The following ITGAE variants were observed in gnomAD, a reference collection of about 807,000 sequenced individuals.
ITGAE encodes the protein integrin alpha-E.
A neutral mutation model predicts 136.5 loss-of-function variants in ITGAE; 99 were observed. The ratio of observed to expected loss-of-function variants is 0.73; its 90% CI spans 0.62 to 0.86. The LOEUF (loss-of-function observed/expected upper bound fraction) is 0.86, where lower values mean the gene tolerates loss of function less well. Ranked by LOEUF, ITGAE falls within the 40% of genes least tolerant of loss-of-function variation. ITGAE has a pLI of 0.00. For missense variants in ITGAE, 1,447 were observed against 1,515.3 expected (o/e 0.95, Z 0.75); for synonymous variants, 613 against 591.8 (o/e 1.04, Z -0.52).
At chr17:3,749,382 C>T (rs1381650567) in intron 16 of ITGAE, among the ~76,000 whole-genome samples, 2 of 151,902 alleles carry the variant, frequency 1.3e-5, no homozygotes, top group African/African-American at 2.4e-5. Flanking sequence ...CCTCCCGAGT[C>T]GCTGGGACTA....
At chr17:3,788,388 C>T (rs2143438605) in intron 1 of ITGAE, among the ~76,000 whole-genome samples, 1 of 150,948 alleles carries the variant, frequency 6.6e-6, no homozygotes, top group East Asian at 1.9e-4. Flanking sequence ...TTCCTGGGCT[C>T]AAGTGGTTTT....
rs756646435 is a variant in ITGAE at position 3,761,044 on chromosome 17, C to T, written c.567G>A (p.Glu189=). 6.9e-6 allele frequency: 11 copies of T among 1,605,278 alleles called. No homozygotes were observed. Among genetic ancestry groups the T allele is most frequent in the Admixed American group, 6.7e-5 (4 of 59,902 alleles). The change falls in exon 6 of 31, where the codon GAG becomes GAA. Residue 189 remains glutamate (E), a synonymous_variant. Transcript: ENST00000263087. Reference sequence around the variant, plus strand: ...CCTCCTCCTCCTCGTCTTCCTCCTCCTCCTTGTCTTCCTCCTCCTCCTTCT... The same window carrying T: ...CCTCCTCCTCCTCGTCTTCCTCCTCTTCCTTGTCTTCCTCCTCCTCCTTCT... ...ALEKEEEEDK[E]EEEDEEEEEA...
chr17:3,761,954 G>A lies in ITGAE; in HGVS notation c.276C>T (p.His92=), dbSNP rs766367794. 3.1e-6 allele frequency: 5 copies of A among 1,613,988 alleles called. No homozygotes were observed. Among genetic ancestry groups the A allele is most frequent in the Non-Finnish European group, 4.2e-6 (5 of 1,179,992 alleles). Residue 92 remains histidine, a synonymous_variant, in exon 4 of 31, where the codon CAC becomes CAT. Coordinates refer to ENST00000263087, the MANE Select transcript of ITGAE (RefSeq NM_002208.5). ...GGCTCCGGACAACGGTCACTCCCCG[G>A]TGCCTCCCCTTGGGGATGGGGACAT... ...VEHVPIPKGR[H]RGVTVVRSHH... is the part of the protein sequence containing the mutation.
chr17:3,755,615 C>T (rs2052000797), intron 11 of ITGAE, among the ~76,000 whole-genome samples: 1 of 152,152 alleles, frequency 6.6e-6, no homozygotes, highest in Non-Finnish European at 1.5e-5. Context: ...TGCAGTGAGC[C>T]GAGACTGCAC....
intron 1 of ITGAE, among the ~76,000 whole-genome samples, chr17:3,791,963 T>C (rs1301544151): frequency 6.6e-6 from 1 of 152,190 alleles, no homozygotes; most frequent in Non-Finnish European, 1.5e-5. Flanking sequence ...TGTACATGCT[T>C]AAAATTTTAT....
At chr17:3,734,789 C>A in intron 21 of ITGAE, 28 bp downstream of exon 21, 1 of 1,613,356 alleles carries the variant, frequency 6.2e-7, no homozygotes, top group Non-Finnish European at 8.5e-7. Flanking sequence ...CGTGAGGGAC[C>A]TGTTTCCACA....
chr17:3,760,961 C>T, intron 6 of ITGAE, 52 bp downstream of exon 6: 1 of 1,558,938 alleles, frequency 6.4e-7, no homozygotes, highest in Admixed American at 1.8e-5. Context: ...GGCCACCAGC[C>T]TAGGAATTGG....
chr17:3,751,680 G>C lies in ITGAE; in HGVS notation c.1863C>G (p.His621Gln), dbSNP rs75308621. The change falls in exon 15 of 31, where the codon CAC (histidine) becomes CAG (glutamine). Residue 621 changes from histidine (H) to glutamine (Q), a missense_variant. Physicochemically the swap from His to Gln is conservative, Grantham distance 24 (BLOSUM62 0). Transcript: ENST00000263087. ...AGGGGCTGGCGGAGAGGCCGTCCCA[G>C]TGTCCATTGTAGATATACACACTGC... is the stretch of plus-strand genomic sequence containing the variant. ...SFGSVYIYNG[H>Q]WDGLSASPSQ... 421 of 1,613,956 alleles carry C rather than the reference G, an allele frequency of 2.6e-4. 3 individuals are homozygous for C. The East Asian group carries it at 7.8e-3, about 30-fold the overall frequency.
intron 1 of ITGAE, among the ~76,000 whole-genome samples, chr17:3,788,174 G>A (rs1597369753): frequency 6.9e-6 from 1 of 145,848 alleles, no homozygotes; most frequent in Admixed American, 6.8e-5. Context: ...TTCTTATTCT[G>A]TGGTTTGCCT....
chr17:3,796,670 CCA>C (rs2053112869), intron 1 of ITGAE, among the ~76,000 whole-genome samples: 1 of 152,008 alleles, frequency 6.6e-6, no homozygotes, highest in East Asian at 1.9e-4. Flanking sequence ...ACCCACAGGA[CCA>C]CCTCTCTGAG....
At chr17:3,740,330 A>G in intron 19 of ITGAE, among the ~76,000 whole-genome samples, 1 of 152,234 alleles carries the variant, frequency 6.6e-6, no homozygotes, top group East Asian at 1.9e-4. Flanking sequence ...GTCAAGGTCC[A>G]GGCCTTGGAG....
At position 3,731,181 on chromosome 17, in the gene ITGAE, A is replaced by G. The variant is rs200951789; in HGVS notation, c.2757T>C (p.Ala919=). 1.5e-4 allele frequency: 248 copies of G among 1,613,228 alleles called. No homozygotes were observed. In the East Asian group the frequency reaches 5.2e-3, roughly 34 times the overall value. ...CTAGCTGCCAAACGACTGAAACATG[A>G]GCCTATTTTAAAGGGGGAAAAATGG... is the stretch of plus-strand genomic sequence containing the variant. ...IGHPVLKRSS[A]HVSVVWQLEE... The change falls in exon 23 of 31, where the codon GCT becomes GCC. Residue 919 remains alanine, a splice_region_variant and synonymous_variant. Transcript: ENST00000263087.
chr17:3,753,580 C>T (rs187128648), intron 13 of ITGAE, 150 bp from the exon 14 acceptor site: 5 of 1,138,318 alleles, frequency 4.4e-6, no homozygotes. Flanking sequence ...AGTGGAGGAG[C>T]AGCCCAGGCC....
At position 3,756,920 on chromosome 17, in the gene ITGAE, A is replaced by G. The variant is rs1215693158; in HGVS notation, c.1171+64T>C. On this transcript the variant is annotated intron_variant, in intron 10 of 30. Transcript: ENST00000263087. Reference sequence around the variant, plus strand: ...CTCAGAGAAACCACATGAAGATGGGACAGAGGCCGGGCTGGAGCATAGGCT... The same window carrying G: ...CTCAGAGAAACCACATGAAGATGGGGCAGAGGCCGGGCTGGAGCATAGGCT... The G allele has an allele frequency of 6.5e-6, 10 of 1,539,300 alleles. 1 individual carries two copies. In the African/African-American group the frequency reaches 6.9e-5, roughly 11 times the overall value.
intron 20 of ITGAE, among the ~76,000 whole-genome samples, chr17:3,738,478 T>C (rs1023512253): frequency 1.3e-5 from 2 of 152,110 alleles, no homozygotes; most frequent in Non-Finnish European, 2.9e-5. Flanking sequence ...CTGGGGGGCA[T>C]TCTAAGACCA....
intron 20 of ITGAE, among the ~76,000 whole-genome samples, chr17:3,737,294 A>AAAGAAG (rs369478989): frequency 7.4e-5 from 11 of 148,062 alleles, no homozygotes; most frequent in African/African-American, 2.7e-4. Flanking sequence ...CCCTGTCTCA[A>AAAGAAG]AAGAAGAAGA....
At chr17:3,755,302 C>A in intron 11 of ITGAE, 41 bp from the exon 12 acceptor site, 6 of 1,500,838 alleles carry the variant, frequency 4.0e-6, no homozygotes, top group Non-Finnish European at 5.3e-6. Context: ...GTGGGAGGGA[C>A]CCAAGGCCGG....
chr17:3,728,316 C>A (rs895369037), intron 24 of ITGAE, 148 bp from the exon 25 acceptor site: 3 of 675,028 alleles, frequency 4.4e-6, no homozygotes, highest in African/African-American at 3.6e-5. Flanking sequence ...TGATCCTCCA[C>A]CTCAGCCTGG....
At chr17:3,771,534 C>CTTTTTTTT (rs71312930) in intron 2 of ITGAE, among the ~76,000 whole-genome samples, 1 of 123,256 alleles carries the variant, frequency 8.1e-6, no homozygotes, top group Admixed American at 8.1e-5. Flanking sequence ...GCATTTTTCT[C>CTTTTTTTT]TTTTTTTTTT....
Sources: gnomAD v4.1 joint callset for allele counts (sites outside exome capture counted in the v4.1 genomes callset) on GRCh38, gnomAD v4.1.1 for gene constraint, MANE v1.5 for transcripts, NCBI Gene and HGNC (gene_info 2026-07-23, HGNC 2026-07-21) for gene names.